Variants in DICER1 observed in about 807,000 individuals in gnomAD.
DICER1 encodes the protein endoribonuclease Dicer.
Under a neutral mutation model 194.1 loss-of-function variants are expected in DICER1, and 43 were observed. That is an observed-to-expected ratio of 0.22 (90% CI 0.17 to 0.29). The LOEUF is 0.29. Among genes scored for constraint, DICER1 ranks in the 10% least tolerant of loss-of-function variants. The pLI is 1.00. For synonymous variants in DICER1, 832 were observed against 820.5 expected (o/e 1.01, Z -0.24); for missense variants, 1,608 against 2,317.0 (o/e 0.69, Z 6.28).
chr14:95,148,360 G>A (rs141860317), intron 1 of DICER1, among the ~76,000 whole-genome samples: 118 of 152,236 alleles, frequency 7.8e-4, no homozygotes, highest in African/African-American at 2.7e-3. Flanking sequence ...AGGAGCTACC[G>A]GCCACCAGTC....
At chr14:95,092,104 G>C (rs888484650) in intron 24 of DICER1, among the ~76,000 whole-genome samples, 3 of 152,036 alleles carry the variant, frequency 2.0e-5, no homozygotes, top group Non-Finnish European at 4.4e-5. Context: ...TAATTACTCG[G>C]CCATAAAGAA....
chr14:95,115,737 G>C lies in DICER1; in HGVS notation c.1837C>G (p.Pro613Ala), dbSNP rs201553563. The C allele has an allele frequency of 6.2e-7, 1 of 1,613,996 alleles. No homozygotes were observed. The highest frequency in any genetic ancestry group is 8.5e-7 in the Non-Finnish European group (1 of 1,180,006). The change falls in exon 11 of 27, where the codon CCA becomes GCA. Residue 613 changes from proline to alanine, a missense_variant. Pro to Ala is a conservative substitution (Grantham distance 27). Around this residue, in one of 10 missense-constraint regions of DICER1, gnomAD observed 657 missense variants for 910.1 expected, o/e 0.72. Transcript: ENST00000343455. ...CCATCGTCAGGCCTCAACACATATG[G>C]TGGGAAAACGTCATCATCATCCATG... ...PVMDDDDVFP[P>A]YVLRPDDGGP...
intron 6 of DICER1, 46 bp downstream of exon 6, chr14:95,129,426 G>A: frequency 6.3e-7 from 1 of 1,583,794 alleles, no homozygotes; most frequent in Non-Finnish European, 8.7e-7. Flanking sequence ...ACTTAATATT[G>A]TTTTCAACTA....
chr14:95,127,743 T>C (rs745431497), intron 6 of DICER1, among the ~76,000 whole-genome samples: 61 of 152,256 alleles, frequency 4.0e-4, no homozygotes, highest in Non-Finnish European at 1.3e-4. Flanking sequence ...GCTTGCCTGT[T>C]AGGTCTCAAG....
At chr14:95,129,661 A>C in intron 5 of DICER1, 29 bp from the exon 6 acceptor site, 1 of 1,601,810 alleles carries the variant, frequency 6.2e-7, no homozygotes, top group African/African-American at 1.3e-5. Flanking sequence ...CTGACAGTAA[A>C]GACTTCATTT....
chr14:95,126,709 T>C lies in DICER1; in HGVS notation c.774A>G (p.Gly258=), dbSNP rs1425525083. The part of the protein sequence containing the change: ...SQPCEIVVDC[G]PFTDRSGLYE... Reference sequence around the variant, plus strand: ...AAAGCCCACTTCTGTCAGTAAATGGTCCACAATCCACCACAATCTCACATG... The same window carrying C: ...AAAGCCCACTTCTGTCAGTAAATGGCCCACAATCCACCACAATCTCACATG... The change falls in exon 7 of 27, where the codon GGA becomes GGG. Residue 258 remains glycine, a synonymous_variant. Coordinates refer to ENST00000343455, the MANE Select transcript of DICER1 (RefSeq NM_177438.3). The C allele has an allele frequency of 1.9e-6, 3 of 1,610,974 alleles. No homozygotes were observed. The highest frequency in any genetic ancestry group is 2.7e-5 in the African/African-American group (2 of 74,700).
chr14:95,140,315 C>T (rs914068437), intron 1 of DICER1, among the ~76,000 whole-genome samples: 6 of 152,116 alleles, frequency 3.9e-5, no homozygotes, highest in Non-Finnish European at 8.8e-5. Flanking sequence ...GATTATGATA[C>T]TGTATTTTTA....
chr14:95,130,669 T>C (rs775691835), intron 4 of DICER1, among the ~76,000 whole-genome samples: 10 of 152,246 alleles, frequency 6.6e-5, no homozygotes, highest in Non-Finnish European at 1.5e-4. Flanking sequence ...ACTAGTAGGC[T>C]GGGCTGTTTC....
intron 1 of DICER1, among the ~76,000 whole-genome samples, chr14:95,139,867 A>T (rs1894717356): frequency 6.6e-6 from 1 of 152,236 alleles, no homozygotes; most frequent in Non-Finnish European, 1.5e-5. Context: ...ATTAATTTTC[A>T]TTCATTTAGT....
chr14:95,136,445 T>C (rs2140318690), intron 1 of DICER1, among the ~76,000 whole-genome samples: 1 of 152,262 alleles, frequency 6.6e-6, no homozygotes, highest in Non-Finnish European at 1.5e-5. Context: ...GGTGCAATGA[T>C]GGCTCACTGC....
At chr14:95,133,841 C>T (rs1258925239) in intron 1 of DICER1, among the ~76,000 whole-genome samples, 1 of 152,140 alleles carries the variant, frequency 6.6e-6, no homozygotes, top group Non-Finnish European at 1.5e-5. Context: ...TATGCTATGA[C>T]TATATAATGG....
intron 7 of DICER1, among the ~76,000 whole-genome samples, chr14:95,126,338 A>G (rs1287357142): frequency 1.3e-5 from 2 of 152,238 alleles, no homozygotes; most frequent in Non-Finnish European, 2.9e-5. Flanking sequence ...TACTTAAATA[A>G]CCATGACATG....
In DICER1 at chr14:95,090,109, T is replaced by C. The variant is rs1712501579; in HGVS notation, c.*389A>G. 1 of 389,414 alleles carries C rather than the reference T, an allele frequency of 2.6e-6. No individual in the cohort carries two copies. The highest frequency in any genetic ancestry group is 4.7e-6 in the Non-Finnish European group (1 of 210,982). 24.1% of individuals were successfully genotyped at this position (389,414 alleles called of 1,614,324 possible). Reference sequence around the variant, plus strand: ...AGATGGAGAAGAATCTACATCATCCTAGGGACTGCTGGAGGTTTAAGCTCC... The same window carrying C: ...AGATGGAGAAGAATCTACATCATCCCAGGGACTGCTGGAGGTTTAAGCTCC... On this transcript the variant is annotated 3_prime_UTR_variant, in exon 27 of 27. Coordinates refer to ENST00000343455, the MANE Select transcript of DICER1 (RefSeq NM_177438.3).
At chr14:95,125,810 A>G (rs1010961926) in intron 7 of DICER1, among the ~76,000 whole-genome samples, 12 of 130,144 alleles carry the variant, frequency 9.2e-5, no homozygotes, top group African/African-American at 4.1e-4. Flanking sequence ...AGAGGAGAGA[A>G]AGAGAGAGAG....
rs1312694588 is a variant in DICER1 at position 95,086,847 on chromosome 14, G to C, written c.*3651C>G. On this transcript the variant is annotated 3_prime_UTR_variant, in exon 27 of 27. Transcript: ENST00000343455. ...ATTCCTGAAAAGTAATCAGTGGTTG[G>C]AAAAATATAATTATTCAAATGTAAT... The C allele has an allele frequency of 4.3e-6, 1 of 232,190 alleles. No individual in the cohort carries two copies. Among genetic ancestry groups the C allele is most frequent in the Non-Finnish European group, 8.5e-6 (1 of 117,576 alleles). 14.4% of individuals were successfully genotyped at this position (232,190 alleles called of 1,614,324 possible).
In DICER1 at chr14:95,131,804, C is replaced by T. The variant is rs2275183; in HGVS notation, c.308-165G>A. On this transcript the variant is annotated intron_variant, in intron 3 of 26. Transcript: ENST00000343455. Reference sequence around the variant, plus strand: ...AAACCACAGTTCCAAGGTTATCCTCCAAAAAAATGGCACCTACTAGACTTG... The same window carrying T: ...AAACCACAGTTCCAAGGTTATCCTCTAAAAAAATGGCACCTACTAGACTTG... 1.4e-4 allele frequency among the ~76,000 whole-genome samples: 22 copies of T among 152,132 alleles called. No homozygotes were observed. The East Asian group carries it at 4.2e-3, about 29-fold the overall frequency.
At chr14:95,098,129 T>C (rs1276309515) in intron 22 of DICER1, among the ~76,000 whole-genome samples, 1 of 152,196 alleles carries the variant, frequency 6.6e-6, no homozygotes, top group Non-Finnish European at 1.5e-5. Context: ...TATCACAAAC[T>C]GTGTGATCCT....
chr14:95,086,288 T>C lies in DICER1; in HGVS notation c.*4210A>G, dbSNP rs1889329384. 3 of 232,650 alleles carry C rather than the reference T, an allele frequency of 1.3e-5. No homozygotes were observed. The highest frequency in any genetic ancestry group is 6.6e-5 in the African/African-American group (3 of 45,306). The allele number at this position is 232,650 out of a possible 1,614,324, so 14.4% of individuals were successfully genotyped here. On this transcript the variant is annotated 3_prime_UTR_variant, in exon 27 of 27. Coordinates refer to ENST00000343455, the MANE Select transcript of DICER1 (RefSeq NM_177438.3). ...CTACAATTATTACAAAAAAAACAAC[T>C]AAAGGTAATTGTGATCCATAAGGTG...
In DICER1 at chr14:95,098,033, T is replaced by A. The variant is rs75732604; in HGVS notation, c.4207-1320A>T. Among the ~76,000 whole-genome samples, 31 of 152,156 alleles carry A rather than the reference T, an allele frequency of 2.0e-4. No individual in the cohort carries two copies. In the East Asian group the frequency reaches 3.1e-3, roughly 15 times the overall value. On this transcript the variant is annotated intron_variant, in intron 22 of 26. Transcript: ENST00000343455. ...AAAAAATCAGACAATATTTTTTTTT[T>A]ATTGAAAAAAACCTTCTGTATCTTT...
Sources: allele counts gnomAD v4.1 joint callset (sites outside exome capture counted in the v4.1 genomes callset), GRCh38; gene constraint gnomAD v4.1.1; regional missense constraint gnomAD v4.1.1; transcripts MANE v1.5; gene names NCBI Gene and HGNC (gene_info 2026-07-23, HGNC 2026-07-21).